Variants in USP53 observed in about 807,000 individuals in gnomAD.
The protein encoded by USP53 is ubiquitin specific peptidase 53, also known as ubiquitin carboxyl-terminal hydrolase 53.
In USP53, 71 loss-of-function variants were observed where a neutral mutation model predicts 94.9. The observed-to-expected ratio is 0.75, with a 90% CI of 0.62 to 0.91. The LOEUF (loss-of-function observed/expected upper bound fraction) is 0.91, where lower values mean the gene tolerates loss of function less well. USP53 is among the 40% of genes least tolerant of loss of function. USP53 has a pLI of 0.00. For synonymous variants in USP53, 375 were observed against 422.7 expected, an observed-to-expected ratio of 0.89 and a Z score of 1.39; for missense variants, 1,173 against 1,281.0, an observed-to-expected ratio of 0.92 and a Z score of 1.29.
chr4:119,291,051 C>T, intron 17 of USP53, 114 bp from the exon 18 acceptor site: 2 of 491,544 alleles, frequency 4.1e-6, no homozygotes, highest in Non-Finnish European at 3.5e-6. Flanking sequence ...AAGAGATTAC[C>T]TTTTATAGAA....
chr4:119,286,879 G>A (rs1468328127), intron 17 of USP53, among the ~76,000 whole-genome samples: 1 of 151,806 alleles, frequency 6.6e-6, no homozygotes, highest in African/African-American at 2.4e-5. Flanking sequence ...AAGTTTTCGA[G>A]CCTCAGGCAG....
At chr4:119,285,342 G>A (rs188366818) in intron 17 of USP53, among the ~76,000 whole-genome samples, 4 of 151,876 alleles carry the variant, frequency 2.6e-5, no homozygotes, top group African/African-American at 9.6e-5. Context: ...TAGTAGGTTA[G>A]GATATTTATA....
rs1749074130 is a variant in USP53 at position 119,252,013 on chromosome 4, C to T, written c.372+3131C>T. On this transcript the variant is annotated intron_variant, in intron 7 of 18. Transcript: ENST00000692078. ...AATCATGTGGTTTTTGTCATTGGTT[C>T]TGTTTATGTGATGGATTACATTTAT... Among the ~76,000 whole-genome samples the T allele has an allele frequency of 2.6e-5, 4 of 152,084 alleles. No individual in the cohort carries two copies. In the South Asian group the frequency reaches 8.3e-4, roughly 32 times the overall value.
intron 11 of USP53, among the ~76,000 whole-genome samples, chr4:119,261,226 G>T (rs1419631230): frequency 1.3e-5 from 2 of 152,102 alleles, no homozygotes; most frequent in Non-Finnish European, 2.9e-5. Context: ...TTCCCAAAGT[G>T]CTGGGATTAC....
chr4:119,220,823 A>G (rs62326355), intron 3 of USP53: 2,011 of 152,274 alleles, frequency 0.013, 36 homozygotes, highest in Admixed American at 0.023. Flanking sequence ...ATTGGGCTCT[A>G]CTCTATATAC....
chr4:119,248,910 G>C, intron 7 of USP53, 28 bp downstream of exon 7: 2 of 1,612,688 alleles, frequency 1.2e-6, no homozygotes, highest in East Asian at 4.5e-5. Flanking sequence ...TCCTTAAGAA[G>C]TCAGGATAGT....
At chr4:119,235,513 A>T (rs1271304285) in intron 4 of USP53, 102 bp downstream of exon 4, 1 of 152,146 alleles carries the variant, frequency 6.6e-6, no homozygotes, top group Non-Finnish European at 1.5e-5. Context: ...CCTGGTTTCA[A>T]GTGATCTTCC....
Position 119,244,794 on chromosome 4 carries a change from T to C in USP53, c.145-543T>C, listed in dbSNP as rs573357996. Among the ~76,000 whole-genome samples, 18 of 152,352 alleles carry C rather than the reference T, an allele frequency of 1.2e-4. No homozygotes were observed. The East Asian group carries it at 3.3e-3, about 28-fold the overall frequency. On this transcript the variant is annotated intron_variant, in intron 5 of 18. Transcript: ENST00000692078. ...AGTATATACTTAGGTAATTTATTAA[T>C]GGCTGCTGCTTACTATGCTGTACCC...
intron 12 of USP53, among the ~76,000 whole-genome samples, chr4:119,263,256 T>G (rs1750720232): frequency 6.6e-6 from 1 of 152,172 alleles, no homozygotes; most frequent in African/African-American, 2.4e-5. Flanking sequence ...AACATGCAGT[T>G]GAACAGAGAA....
chr4:119,214,496 G>A (rs1405255257), intron 2 of USP53, among the ~76,000 whole-genome samples: 21 of 151,540 alleles, frequency 1.4e-4, no homozygotes, highest in Admixed American at 1.4e-3. Context: ...TAAGTTCATG[G>A]AATTTGATAC....
At chr4:119,282,928 T>C (rs539838342) in intron 17 of USP53, among the ~76,000 whole-genome samples, 12 of 152,138 alleles carry the variant, frequency 7.9e-5, no homozygotes, top group African/African-American at 2.9e-4. Flanking sequence ...AATTTCTTAC[T>C]TTCATATTTT....
rs376737503 is a variant in USP53 at position 119,244,918 on chromosome 4, G to A, written c.145-419G>A. ...GCCATAATGTGCAGACCCCAATTTA[G>A]TACACTCTGGCTTTAAAGTCTAATT... On this transcript the variant is annotated intron_variant, in intron 5 of 18. Coordinates refer to ENST00000692078, the MANE Select transcript of USP53 (RefSeq NM_001371395.1). Among the ~76,000 whole-genome samples the A allele has an allele frequency of 1.1e-4, 16 of 152,140 alleles. No individual in the cohort carries two copies. The South Asian group carries it at 3.1e-3, about 30-fold the overall frequency.
At chr4:119,230,699 A>G (rs1296135049) in intron 3 of USP53, among the ~76,000 whole-genome samples, 7 of 152,218 alleles carry the variant, frequency 4.6e-5, no homozygotes, top group Non-Finnish European at 7.3e-5. Context: ...ACATGAAATA[A>G]CAGAAGCAGT....
At chr4:119,213,782 G>A (rs986891665) in intron 1 of USP53, among the ~76,000 whole-genome samples, 58 of 151,406 alleles carry the variant, frequency 3.8e-4, no homozygotes, top group Non-Finnish European at 8.8e-5. Context: ...GGAGGCTGAG[G>A]CAGGAGAATT....
intron 17 of USP53, among the ~76,000 whole-genome samples, chr4:119,279,525 A>T (rs1753182213): frequency 7.1e-6 from 1 of 140,518 alleles, no homozygotes; most frequent in South Asian, 2.3e-4. Flanking sequence ...AGGGACACTT[A>T]AGTCTGCAGA....
intron 5 of USP53, among the ~76,000 whole-genome samples, chr4:119,243,572 A>C (rs764832543): frequency 6.6e-6 from 1 of 152,206 alleles, no homozygotes. Context: ...TGTGATAGCG[A>C]TTTGTTAAAG....
In USP53 at chr4:119,294,882, G is replaced by A. The variant is rs1755112789; in HGVS notation, c.*1671G>A. The A allele has an allele frequency of 6.6e-6, 1 of 152,008 alleles. No individual in the cohort carries two copies. The highest frequency in any genetic ancestry group is 2.1e-4 in the South Asian group (1 of 4,834). The allele number at this position is 152,008 out of a possible 1,614,324, so 9.4% of individuals were successfully genotyped here. A position where few individuals can be genotyped will look rare whatever the true frequency, so the allele number is the denominator to read the frequency against. On this transcript the variant is annotated 3_prime_UTR_variant, in exon 19 of 19. Transcript: ENST00000692078. ...GCCAAATTAATTTTGTTTTAAGAAA[G>A]CTTATTTTTAACATAATTTTTTAGT...
In USP53 at chr4:119,242,584, A is replaced by G. The variant is rs144861106; in HGVS notation, c.144+2681A>G. On this transcript the variant is annotated intron_variant, in intron 5 of 18. Coordinates refer to ENST00000692078, the MANE Select transcript of USP53 (RefSeq NM_001371395.1). ...CCCAAATACTGGAGGAGGATCCTCT[A>G]CTGATCCCTGATGTTAACTCTCTGT... Among the ~76,000 whole-genome samples the G allele has an allele frequency of 2.1e-4, 32 of 152,238 alleles. No individual in the cohort carries two copies. In the East Asian group the frequency reaches 4.3e-3, roughly 20 times the overall value.
intron 17 of USP53, among the ~76,000 whole-genome samples, chr4:119,274,232 T>G (rs1752270138): frequency 6.8e-6 from 1 of 146,786 alleles, no homozygotes; most frequent in Admixed American, 6.8e-5. Flanking sequence ...TATCTCCCAG[T>G]GCTATCCCTC....
Sources: gnomAD v4.1 joint callset for allele counts (sites outside exome capture counted in the v4.1 genomes callset) on GRCh38, gnomAD v4.1.1 for gene constraint, MANE v1.5 for transcripts, NCBI Gene and HGNC (gene_info 2026-07-23, HGNC 2026-07-21) for gene names.